PCDHGA8: variants seen among roughly 807,000 people sequenced by gnomAD.
PCDHGA8 encodes the protein protocadherin gamma-A8.
A neutral mutation model predicts 59.2 loss-of-function variants in PCDHGA8; 45 were observed. The observed-to-expected ratio is 0.76, with a 90% CI of 0.60 to 0.98. The LOEUF (loss-of-function observed/expected upper bound fraction) is 0.98, where lower values mean the gene tolerates loss of function less well. Ranked by LOEUF, PCDHGA8 falls within the 50% of genes least tolerant of loss-of-function variation. The pLI, the probability that PCDHGA8 is intolerant of heterozygous loss-of-function variation, is 0.00. For missense variants in PCDHGA8, 1,257 were observed against 1,196.2 expected (o/e 1.05, Z -0.75); for synonymous variants, 531 against 519.0 (o/e 1.02, Z -0.32).
intron 1 of PCDHGA8, chr5:141,403,609 G>A (rs1434656385): frequency 6.2e-7 from 1 of 1,613,870 alleles, no homozygotes; most frequent in South Asian, 1.1e-5. Flanking sequence ...ATGGCGGCGA[G>A]CCGCGTCGCT....
At chr5:141,428,105 G>T in intron 1 of PCDHGA8, 4 of 1,608,184 alleles carry the variant, frequency 2.5e-6, no homozygotes, top group Non-Finnish European at 2.5e-6. Context: ...ACCACGTGCT[G>T]CAGGCCATCG....
intron 1 of PCDHGA8, among the ~76,000 whole-genome samples, chr5:141,472,980 C>CAAAAAAAAAAAAAAAAAGAAAAAAA (rs2099309731): frequency 1.2e-5 from 1 of 86,102 alleles, no homozygotes; most frequent in African/African-American, 3.9e-5. Flanking sequence ...GAGTGAAACT[C>CAAAAAAAAAAAAAAAAAGAAAAAAA]AAAAAAAAAA....
chr5:141,494,510 C>T (rs1462702765), intron 1 of PCDHGA8, among the ~76,000 whole-genome samples: 1 of 152,156 alleles, frequency 6.6e-6, no homozygotes, highest in Non-Finnish European at 1.5e-5. Context: ...TGAATTTTGG[C>T]TCAGGAGTTC....
At chr5:141,474,148 A>G (rs773360112) in intron 1 of PCDHGA8, among the ~76,000 whole-genome samples, 4 of 152,244 alleles carry the variant, frequency 2.6e-5, no homozygotes, top group Non-Finnish European at 5.9e-5. Context: ...CTTATTATCA[A>G]GAAAATGACA....
At position 141,489,063 on chromosome 5, in the gene PCDHGA8, C is replaced by A; in HGVS notation, c.2425-5744C>A. ...CTCCACTCAAATTCAGCTCCCCTCC[C>A]CCCTGCCCACCCCCGCCACTCGGTG... On this transcript the variant is annotated intron_variant, in intron 1 of 3. Coordinates refer to ENST00000398604, the MANE Select transcript of PCDHGA8 (RefSeq NM_032088.2). This position sits in a 1 kb window ranked among gnomAD's most constrained non-coding sequence, Gnocchi z 4.5. 2.6e-6 allele frequency: 1 copy of A among 384,986 alleles called. No individual in the cohort carries two copies. Among genetic ancestry groups the A allele is most frequent in the East Asian group, 4.5e-5 (1 of 22,374 alleles). 23.8% of individuals were successfully genotyped at this position (384,986 alleles called of 1,614,324 possible). A position where few individuals can be genotyped will look rare whatever the true frequency, so the allele number is the denominator to read the frequency against.
chr5:141,448,621 T>C (rs2098597629), intron 1 of PCDHGA8, among the ~76,000 whole-genome samples: 1 of 152,168 alleles, frequency 6.6e-6, no homozygotes, highest in Admixed American at 6.5e-5. Flanking sequence ...TATATCTTCC[T>C]TTCTTCACAT....
rs188953728 is a variant in PCDHGA8, at chr5:141,448,550, T to A, written c.2425-46257T>A. Among the ~76,000 whole-genome samples, 304 of 152,316 alleles carry A rather than the reference T, an allele frequency of 2.0e-3. 1 individual carries two copies. Among genetic ancestry groups the A allele is most frequent in the African/African-American group, 6.6e-3 (275 of 41,578 alleles). On this transcript the variant is annotated intron_variant, in intron 1 of 3. Transcript: ENST00000398604. ...CCTGTCAGCATTTCTTATGCAAATA[T>A]GTACATATATTTTTATTTCCCCATT...
At chr5:141,427,352 G>A (rs982774903) in intron 1 of PCDHGA8, 3 of 457,474 alleles carry the variant, frequency 6.6e-6, no homozygotes, top group African/African-American at 6.0e-5. Flanking sequence ...CTGTAACTGA[G>A]GACGCAGAAC....
In PCDHGA8 at chr5:141,432,847, G is replaced by A. The variant is rs768265171; in HGVS notation, c.2424+37610G>A. On this transcript the variant is annotated intron_variant, in intron 1 of 3. Transcript: ENST00000398604. The surrounding 1 kb of genome is among the most constrained non-coding windows in gnomAD (Gnocchi z 6.0). Reference sequence around the variant, plus strand: ...ACCTCACTCTGTACCTGGTGGTAGCGGTGGCCGCGGTCTCCTGCGTCTTCC... The same window carrying A: ...ACCTCACTCTGTACCTGGTGGTAGCAGTGGCCGCGGTCTCCTGCGTCTTCC... 5.0e-6 allele frequency: 8 copies of A among 1,614,180 alleles called. No homozygotes were observed. The highest frequency in any genetic ancestry group is 6.8e-6 in the Non-Finnish European group (8 of 1,179,994).
rs1337141924 is a variant in PCDHGA8, at chr5:141,512,916, CTAATATT to C, written c.*1746_*1752del. On this transcript the variant is annotated 3_prime_UTR_variant, in exon 4 of 4. Coordinates refer to ENST00000398604, the MANE Select transcript of PCDHGA8 (RefSeq NM_032088.2). The stretch of plus-strand genomic sequence containing the variant: ...CTGTGTCTCACGCAAGTTTTATACT[CTAATATT>C]TATATGGCTTTTTTTCTTCGACAAA... The C allele has an allele frequency of 1.3e-5, 2 of 152,206 alleles. No homozygotes were observed. Among genetic ancestry groups the C allele is most frequent in the Non-Finnish European group, 2.9e-5 (2 of 68,046 alleles). The allele number at this position is 152,206 out of a possible 1,614,324, so 9.4% of individuals were successfully genotyped here.
chr5:141,482,472 CTG>C (rs2099561247), intron 1 of PCDHGA8, among the ~76,000 whole-genome samples: 2 of 136,856 alleles, frequency 1.5e-5, no homozygotes, highest in Non-Finnish European at 3.0e-5. Context: ...GTGCCAGACA[CTG>C]TAAACAATTA....
At chr5:141,401,058 T>A (rs967099811) in intron 1 of PCDHGA8, among the ~76,000 whole-genome samples, 1 of 152,236 alleles carries the variant, frequency 6.6e-6, no homozygotes, top group African/African-American at 2.4e-5. Flanking sequence ...AAATACTATA[T>A]GTTGGCTGGG....
At position 141,467,151 on chromosome 5, in the gene PCDHGA8, C is replaced by T. The variant is rs527879624; in HGVS notation, c.2425-27656C>T. ...CACTGCAACCTCTGCCTCCCAGGTT[C>T]AAGTGATTCTCATCTCTCAGCCTCC... is the stretch of plus-strand genomic sequence containing the variant. On this transcript the variant is annotated intron_variant, in intron 1 of 3. Transcript: ENST00000398604. Among the ~76,000 whole-genome samples the T allele has an allele frequency of 4.0e-5, 6 of 151,660 alleles. No homozygotes were observed. In the East Asian group the frequency reaches 7.8e-4, roughly 20 times the overall value.
At chr5:141,468,701 C>A (rs1186497330) in intron 1 of PCDHGA8, 2 of 151,628 alleles carry the variant, frequency 1.3e-5, no homozygotes, top group African/African-American at 2.4e-5. Flanking sequence ...CCCGTCTCTA[C>A]TAAAAATATA....
chr5:141,421,736 G>A lies in PCDHGA8; in HGVS notation c.2424+26499G>A, dbSNP rs767237323. 5.3e-5 allele frequency: 86 copies of A among 1,613,810 alleles called. No individual in the cohort carries two copies. The highest frequency in any genetic ancestry group is 6.9e-5 in the Non-Finnish European group (82 of 1,179,858). Reference sequence around the variant, plus strand: ...GATGTGGGCGTGAACTCCCTCCAGAGCTACCAGCTCAGCCCTAATAATTAC... The same window carrying A: ...GATGTGGGCGTGAACTCCCTCCAGAACTACCAGCTCAGCCCTAATAATTAC... On this transcript the variant is annotated intron_variant, in intron 1 of 3. Transcript: ENST00000398604.
chr5:141,399,814 C>T, intron 1 of PCDHGA8: 2 of 1,613,238 alleles, frequency 1.2e-6, no homozygotes, highest in Non-Finnish European at 1.7e-6. Context: ...GTACCCCGCG[C>T]TGGGTCCCGA....
intron 1 of PCDHGA8, among the ~76,000 whole-genome samples, chr5:141,433,761 T>G (rs2154555909): frequency 6.7e-6 from 1 of 148,664 alleles, no homozygotes; most frequent in Admixed American, 6.8e-5. Context: ...TGCTTTAACC[T>G]GGGAGGTGGA....
At chr5:141,435,941 A>G (rs1354198135) in intron 1 of PCDHGA8, among the ~76,000 whole-genome samples, 1 of 152,170 alleles carries the variant, frequency 6.6e-6, no homozygotes, top group Non-Finnish European at 1.5e-5. Flanking sequence ...TGCTTCTGAG[A>G]CCAAAAAAGG....
At position 141,485,930 on chromosome 5, in the gene PCDHGA8, G is replaced by C; in HGVS notation, c.2425-8877G>C. ...ATCCAGCTACAGGATTAGTGTGTTGGAGAGCGCACCAGCGGGCATGGTGCT... is the reference window on the plus strand; with the variant it reads ...ATCCAGCTACAGGATTAGTGTGTTGCAGAGCGCACCAGCGGGCATGGTGCT... On this transcript the variant is annotated intron_variant, in intron 1 of 3. Coordinates refer to ENST00000398604, the MANE Select transcript of PCDHGA8 (RefSeq NM_032088.2). The surrounding 1 kb of genome is among the most constrained non-coding windows in gnomAD (Gnocchi z 5.7). 6.2e-7 allele frequency: 1 copy of C among 1,614,178 alleles called. No homozygotes were observed. The highest frequency in any genetic ancestry group is 8.5e-7 in the Non-Finnish European group (1 of 1,180,042).
Sources: gnomAD v4.1 joint callset for allele counts (sites outside exome capture counted in the v4.1 genomes callset) on GRCh38, gnomAD v4.1.1 for gene constraint, Gnocchi (gnomAD v3.1) non-coding constraint, MANE v1.5 for transcripts, NCBI Gene and HGNC (gene_info 2026-07-23, HGNC 2026-07-21) for gene names.